ERBB4: variants seen among roughly 807,000 people sequenced by gnomAD.
ERBB4 encodes receptor tyrosine-protein kinase erbB-4.
A neutral mutation model predicts 158.0 loss-of-function variants in ERBB4; 42 were observed. That is an observed-to-expected ratio of 0.27 (90% CI 0.21 to 0.34). The LOEUF is 0.34. ERBB4 is among the 10% of genes least tolerant of loss of function. The pLI is 1.00. For synonymous variants in ERBB4, 583 were observed against 558.7 expected, an observed-to-expected ratio of 1.04 and a Z score of -0.61; for missense variants, 1,333 against 1,624.1, an observed-to-expected ratio of 0.82 and a Z score of 3.08.
rs377131976 is a variant in ERBB4, at chr2:211,820,539, C to G, written c.422-32380G>C. Among the ~76,000 whole-genome samples, 141 of 151,930 alleles carry G rather than the reference C, an allele frequency of 9.3e-4. 1 individual carries two copies. The highest frequency in any genetic ancestry group is 3.3e-3 in the African/African-American group (136 of 41,506). ...AGATTTAATACCAATTCTTTTCTAA[C>G]TATTCAAAAAATTGAAAAGGAGGAA... On this transcript the variant is annotated intron_variant, in intron 3 of 27. Transcript: ENST00000342788.
chr2:212,146,270 C>A (rs751597099), intron 1 of ERBB4, among the ~76,000 whole-genome samples: 1 of 152,162 alleles, frequency 6.6e-6, no homozygotes, highest in Non-Finnish European at 1.5e-5. Flanking sequence ...TGAATGGTGA[C>A]AGACTGCAAA....
intron 2 of ERBB4, among the ~76,000 whole-genome samples, chr2:211,985,154 C>T (rs140239754): frequency 4.9e-4 from 74 of 152,190 alleles, no homozygotes; most frequent in South Asian, 1.0e-3. Flanking sequence ...TTACCACTGT[C>T]GGAAACCTAT....
rs984570219 is a variant in ERBB4, at chr2:212,126,232, C to T, written c.83-1329G>A. On this transcript the variant is annotated intron_variant, in intron 1 of 27. Coordinates refer to ENST00000342788, the MANE Select transcript of ERBB4 (RefSeq NM_005235.3). Reference sequence around the variant, plus strand: ...TTATCGCAGCACTTTGGGAGGCCGACGCAGTTGGATTACCTGAGGTCAGGA... The same window carrying T: ...TTATCGCAGCACTTTGGGAGGCCGATGCAGTTGGATTACCTGAGGTCAGGA... 5.9e-5 allele frequency among the ~76,000 whole-genome samples: 9 copies of T among 151,948 alleles called. No individual in the cohort carries two copies. The South Asian group carries it at 8.3e-4, about 14-fold the overall frequency.
At chr2:211,903,927 T>C (rs2079305774) in intron 3 of ERBB4, among the ~76,000 whole-genome samples, 1 of 152,038 alleles carries the variant, frequency 6.6e-6, no homozygotes. Context: ...TTTCATTATA[T>C]CAAACAGATT....
intron 3 of ERBB4, among the ~76,000 whole-genome samples, chr2:211,822,312 A>G (rs910922211): frequency 5.3e-5 from 8 of 151,996 alleles, no homozygotes; most frequent in African/African-American, 1.4e-4. Flanking sequence ...CTCCCTACAC[A>G]AAGAAATGTT....
At chr2:211,690,614 T>A (rs372938231) in intron 12 of ERBB4, among the ~76,000 whole-genome samples, 1 of 152,336 alleles carries the variant, frequency 6.6e-6, no homozygotes, top group East Asian at 1.9e-4. Context: ...TGAAGATTGG[T>A]TGATCATTTT....
intron 2 of ERBB4, among the ~76,000 whole-genome samples, chr2:212,016,349 G>A: frequency 6.6e-6 from 1 of 151,862 alleles, no homozygotes; most frequent in East Asian, 1.9e-4. Flanking sequence ...TATGAAAAAA[G>A]ACGAATTATG....
chr2:211,561,164 G>T (rs2067381751), intron 20 of ERBB4, among the ~76,000 whole-genome samples: 1 of 152,146 alleles, frequency 6.6e-6, no homozygotes, highest in African/African-American at 2.4e-5. Context: ...CTAGCAGACT[G>T]CATGATAAGA....
chr2:212,058,247 T>G (rs994368407), intron 2 of ERBB4, among the ~76,000 whole-genome samples: 8 of 152,202 alleles, frequency 5.3e-5, no homozygotes, highest in African/African-American at 1.4e-4. Context: ...CAGGAAGAAG[T>G]TGAATCTCTG....
chr2:212,376,792 C>A (rs1305035045), intron 1 of ERBB4, among the ~76,000 whole-genome samples: 1 of 151,910 alleles, frequency 6.6e-6, no homozygotes, highest in Non-Finnish European at 1.5e-5. Context: ...TTGACCTTGA[C>A]GGAGATTATC....
chr2:212,123,196 G>A (rs1266121079), intron 2 of ERBB4, among the ~76,000 whole-genome samples: 1 of 152,218 alleles, frequency 6.6e-6, no homozygotes, highest in Non-Finnish European at 1.5e-5. Flanking sequence ...GAGCTCAGGA[G>A]GTTGAGACCA....
Position 211,644,174 on chromosome 2 carries a change from C to T in ERBB4, c.1946+13580G>A, listed in dbSNP as rs540189881. ...CTTTCACAGAGGCTTTTGGTCATTG[C>T]ACCCCATTTTAAATTATGTTTTTAA... On this transcript the variant is annotated intron_variant, in intron 16 of 27. Coordinates refer to ENST00000342788, the MANE Select transcript of ERBB4 (RefSeq NM_005235.3). 5.3e-5 allele frequency among the ~76,000 whole-genome samples: 8 copies of T among 152,096 alleles called. No homozygotes were observed. In the South Asian group the frequency reaches 1.5e-3, roughly 28 times the overall value.
intron 4 of ERBB4, among the ~76,000 whole-genome samples, chr2:211,766,219 G>T (rs1271987311): frequency 6.6e-6 from 1 of 152,208 alleles, no homozygotes; most frequent in Non-Finnish European, 1.5e-5. Context: ...GAGCAGGAAA[G>T]AATTAAATAA....
chr2:211,712,851 A>G (rs2073754673), intron 8 of ERBB4, among the ~76,000 whole-genome samples: 1 of 152,046 alleles, frequency 6.6e-6, no homozygotes, highest in African/African-American at 2.4e-5. Flanking sequence ...AACATCATCT[A>G]AAAGTAAGTG....
intron 2 of ERBB4, among the ~76,000 whole-genome samples, chr2:211,978,396 GTCTATCTATCTATCTA>G (rs151243480): frequency 2.9e-5 from 4 of 136,652 alleles, no homozygotes; most frequent in East Asian, 2.1e-4. Context: ...CTGTCTGTCT[GTCTATCTATCTATCTA>G]TCTATCTATC....
intron 20 of ERBB4, among the ~76,000 whole-genome samples, chr2:211,506,742 TGTAGCAAAA>T (rs1348721861): frequency 6.6e-6 from 1 of 152,062 alleles, no homozygotes. Flanking sequence ...ACTTCTGAGA[TGTAGCAAAA>T]GTATTGCTAA....
chr2:212,060,765 A>G lies in ERBB4; in HGVS notation c.234+63987T>C, dbSNP rs567780986. Among the ~76,000 whole-genome samples the G allele has an allele frequency of 2.6e-3, 385 of 149,258 alleles. 1 individual carries two copies. Among genetic ancestry groups the G allele is most frequent in the African/African-American group, 9.0e-3 (369 of 41,208 alleles). The stretch of plus-strand genomic sequence containing the variant: ...CATAGATGGGAATTGAACAATGAGA[A>G]CATTTGGACACAGGAAGGGGAACAT... On this transcript the variant is annotated intron_variant, in intron 2 of 27. Coordinates refer to ENST00000342788, the MANE Select transcript of ERBB4 (RefSeq NM_005235.3).
intron 1 of ERBB4, among the ~76,000 whole-genome samples, chr2:212,525,719 C>T (rs942073490): frequency 6.6e-6 from 1 of 151,964 alleles, no homozygotes; most frequent in African/African-American, 2.4e-5. Context: ...TTGGATAATA[C>T]TTTTCCACAA....
At chr2:211,603,118 C>T (rs1364284673) in intron 19 of ERBB4, among the ~76,000 whole-genome samples, 1 of 152,106 alleles carries the variant, frequency 6.6e-6, no homozygotes, top group African/African-American at 2.4e-5. Flanking sequence ...GTAGTCCCAG[C>T]TACTCGGGAG....
Sources: allele counts gnomAD v4.1 joint callset (sites outside exome capture counted in the v4.1 genomes callset), GRCh38; gene constraint gnomAD v4.1.1; transcripts MANE v1.5; gene names NCBI Gene and HGNC (gene_info 2026-07-23, HGNC 2026-07-21).